The following STK3 variants were observed in gnomAD, a reference collection of about 807,000 sequenced individuals.
The protein encoded by STK3 is serine/threonine-protein kinase 3.
STK3 carries 41 observed loss-of-function variants against 58.0 expected under a neutral mutation model. The observed-to-expected ratio is 0.71, with a 90% CI of 0.55 to 0.92. The LOEUF (loss-of-function observed/expected upper bound fraction) is 0.92, where lower values mean the gene tolerates loss of function less well. STK3 is among the 40% of genes least tolerant of loss of function. The pLI is 0.00. For synonymous variants in STK3, 170 were observed against 191.0 expected (o/e 0.89, Z 0.91); for missense variants, 479 against 602.7 (o/e 0.79, Z 2.15).
At chr8:98,661,887 C>T (rs553378475) in intron 6 of STK3, among the ~76,000 whole-genome samples, 26 of 152,224 alleles carry the variant, frequency 1.7e-4, no homozygotes, top group South Asian at 8.3e-4. Context: ...CTACCACCCA[C>T]CCTAACTCCC....
intron 1 of STK3, among the ~76,000 whole-genome samples, chr8:98,777,475 A>C: frequency 6.6e-6 from 1 of 152,208 alleles, no homozygotes; most frequent in Non-Finnish European, 1.5e-5. Context: ...ACGCCACTGC[A>C]CTCCAGCCTG....
downstream of STK3, among the ~76,000 whole-genome samples, chr8:98,366,601 G>C (rs1817566911): frequency 6.6e-6 from 1 of 152,192 alleles, no homozygotes; most frequent in South Asian, 2.1e-4. Context: ...GAATGGTTCA[G>C]TTTGTCCACT....
upstream of STK3, among the ~76,000 whole-genome samples, chr8:98,389,698 A>G (rs747787965): frequency 1.3e-5 from 2 of 150,980 alleles, no homozygotes; most frequent in African/African-American, 2.4e-5. Flanking sequence ...CTCCCTGCTT[A>G]GTTCCAATTC....
chr8:98,819,574 G>A (rs1414544684), intron 1 of STK3, among the ~76,000 whole-genome samples: 1 of 152,164 alleles, frequency 6.6e-6, no homozygotes, highest in African/African-American at 2.4e-5. Context: ...TGTTAATTCA[G>A]AGATGCTCCT....
At chr8:98,793,817 C>CAA (rs370466236) in intron 1 of STK3, among the ~76,000 whole-genome samples, 208 of 143,968 alleles carry the variant, frequency 1.4e-3, no homozygotes, top group African/African-American at 5.0e-3. Context: ...TCAATTAATT[C>CAA]AAAAAAAAAA....
intron 1 of STK3, among the ~76,000 whole-genome samples, chr8:98,912,182 G>A (rs528479441): frequency 6.6e-6 from 1 of 152,204 alleles, no homozygotes; most frequent in South Asian, 2.1e-4. Context: ...AATTCAAGAT[G>A]AGCCTGATCA....
intron 3 of STK3, among the ~76,000 whole-genome samples, chr8:98,836,523 A>G (rs576095091): frequency 4.6e-5 from 7 of 152,228 alleles, no homozygotes; most frequent in East Asian, 1.9e-4. Context: ...AAACAATAGC[A>G]CCTATATTCT....
intron 6 of STK3, chr8:98,633,811 C>T: frequency 2.1e-6 from 1 of 480,034 alleles, no homozygotes. Flanking sequence ...GACATGAATA[C>T]ATTCCCTAAC....
intron 3 of STK3, among the ~76,000 whole-genome samples, chr8:98,856,320 CA>C (rs71572026): frequency 2.6e-3 from 260 of 101,626 alleles, no homozygotes; most frequent in Middle Eastern, 6.2e-3. Flanking sequence ...GACTCCATCT[CA>C]AAAAAAAAAA....
At chr8:98,498,090 TTTTG>T (rs1823281615) in intron 10 of STK3, among the ~76,000 whole-genome samples, 1 of 152,094 alleles carries the variant, frequency 6.6e-6, no homozygotes, top group Non-Finnish European at 1.5e-5. Context: ...ACACACCACA[TTTTG>T]TTTATCTGTT....
At chr8:98,586,776 C>T (rs943458513) in intron 7 of STK3, among the ~76,000 whole-genome samples, 2 of 151,984 alleles carry the variant, frequency 1.3e-5, no homozygotes, top group Non-Finnish European at 2.9e-5. Context: ...AATTTCAGAT[C>T]CTGTTATTGG....
At chr8:98,646,174 AT>A (rs1163195307) in intron 6 of STK3, among the ~76,000 whole-genome samples, 3 of 152,208 alleles carry the variant, frequency 2.0e-5, no homozygotes, top group Non-Finnish European at 2.9e-5. Flanking sequence ...AACTTTTCAA[AT>A]GCTACCACTG....
intron 7 of STK3, among the ~76,000 whole-genome samples, chr8:98,594,016 T>C (rs945982896): frequency 9.2e-5 from 14 of 152,112 alleles, no homozygotes; most frequent in African/African-American, 3.4e-4. Context: ...TTAAAATACA[T>C]ATATATTTCA....
the STK3 span, among the ~76,000 whole-genome samples, chr8:98,366,202 T>C: frequency 6.6e-6 from 1 of 152,204 alleles, no homozygotes; most frequent in East Asian, 1.9e-4. Context: ...TGAATTTCCT[T>C]GTTTAAACCA....
At chr8:98,579,518 A>C (rs1272519519) in intron 8 of STK3, 146 bp downstream of exon 8, 2 of 1,013,464 alleles carry the variant, frequency 2.0e-6, no homozygotes, top group Non-Finnish European at 1.4e-6. Flanking sequence ...CAAACATATA[A>C]GGCAAACCAA....
At position 98,932,116 on chromosome 8, in the gene STK3, G is replaced by A. The variant is rs1404297094; in HGVS notation, c.-79+10262C>T. On this transcript the variant is annotated intron_variant, in intron 1 of 1. Transcript: ENST00000519420. ...CAATAATTAACAGTGGAAAATGGAA[G>A]AGATAATTTGGGAATCATGCAGAGT... 3.3e-5 allele frequency among the ~76,000 whole-genome samples: 5 copies of A among 152,148 alleles called. No homozygotes were observed. In the East Asian group the frequency reaches 7.7e-4, roughly 23 times the overall value.
downstream of STK3, among the ~76,000 whole-genome samples, chr8:98,451,885 CA>C (rs754984734): frequency 7.4e-4 from 55 of 74,372 alleles, no homozygotes; most frequent in Non-Finnish European, 1.1e-3. Context: ...TCTTTCAGGC[CA>C]AAAAAAAAAA....
chr8:98,572,298 A>G (rs1335862716), intron 8 of STK3, among the ~76,000 whole-genome samples: 2 of 152,208 alleles, frequency 1.3e-5, no homozygotes, highest in African/African-American at 4.8e-5. Flanking sequence ...CAAATCCTGT[A>G]TGCCTGCTTT....
intron 3 of STK3, chr8:98,413,316 A>G: frequency 2.1e-6 from 1 of 481,094 alleles, no homozygotes. Flanking sequence ...TGCCTGGCCT[A>G]ATTTTGTTTT....
Sources: gnomAD v4.1 joint callset for allele counts (sites outside exome capture counted in the v4.1 genomes callset) on GRCh38, gnomAD v4.1.1 for gene constraint, MANE v1.5 for transcripts, NCBI Gene and HGNC (gene_info 2026-07-23, HGNC 2026-07-21) for gene names.